Variants in CNTNAP5 observed in about 807,000 individuals in gnomAD.
CNTNAP5 encodes the protein contactin associated protein family member 5, also known as contactin-associated protein-like 5.
In CNTNAP5, 72 loss-of-function variants were observed where a neutral mutation model predicts 150.2. The observed-to-expected ratio is 0.48, with a 90% confidence interval of 0.40 to 0.58. The LOEUF is 0.58. CNTNAP5 is among the 20% of genes least tolerant of loss of function. The pLI is 0.00. For synonymous variants in CNTNAP5, 672 were observed against 619.8 expected (o/e 1.08, Z -1.25); for missense variants, 1,636 against 1,626.2 (o/e 1.01, Z -0.10).
chr2:124,547,295 G>A (rs1192078034), intron 10 of CNTNAP5, among the ~76,000 whole-genome samples: 2 of 152,018 alleles, frequency 1.3e-5, no homozygotes, highest in African/African-American at 4.8e-5. Context: ...ACAAAATGAG[G>A]AGTGACCTGA....
At chr2:124,074,473 C>A (rs765175839) in intron 1 of CNTNAP5, among the ~76,000 whole-genome samples, 40 of 152,018 alleles carry the variant, frequency 2.6e-4, no homozygotes, top group Non-Finnish European at 4.9e-4. Flanking sequence ...TATACACGTA[C>A]TATGTATCCA....
chr2:124,215,964 G>T (rs530821944), intron 1 of CNTNAP5, among the ~76,000 whole-genome samples: 12 of 152,184 alleles, frequency 7.9e-5, no homozygotes, highest in African/African-American at 2.9e-4. Flanking sequence ...GCTTCCAGCT[G>T]GTCAAATAAT....
chr2:124,142,641 T>G (rs1225406024), intron 1 of CNTNAP5, among the ~76,000 whole-genome samples: 2 of 129,114 alleles, frequency 1.5e-5, no homozygotes, highest in Non-Finnish European at 3.3e-5. Flanking sequence ...TTCAAAGCAG[T>G]GTGTAGAGGG....
intron 1 of CNTNAP5, among the ~76,000 whole-genome samples, chr2:124,116,546 C>G (rs1278556954): frequency 1.3e-5 from 2 of 152,228 alleles, no homozygotes; most frequent in Non-Finnish European, 2.9e-5. Flanking sequence ...TGACTCAACA[C>G]AGACTCCCCA....
chr2:124,422,779 T>C (rs1692140077), intron 4 of CNTNAP5, among the ~76,000 whole-genome samples: 2 of 152,184 alleles, frequency 1.3e-5, no homozygotes, highest in African/African-American at 4.8e-5. Flanking sequence ...TTGCCTGTGT[T>C]CTCAGACCTA....
chr2:124,369,904 C>T (rs1359282428), intron 3 of CNTNAP5, among the ~76,000 whole-genome samples: 3 of 152,080 alleles, frequency 2.0e-5, no homozygotes, highest in African/African-American at 7.2e-5. Flanking sequence ...CACTAGTACC[C>T]TGCTGTGTGG....
chr2:124,225,596 C>T (rs969027005), intron 2 of CNTNAP5, among the ~76,000 whole-genome samples: 5 of 152,122 alleles, frequency 3.3e-5, no homozygotes, highest in Non-Finnish European at 5.9e-5. Context: ...CTAACACATC[C>T]ATCACCTCAT....
chr2:124,567,173 G>T (rs1484229255), intron 11 of CNTNAP5, among the ~76,000 whole-genome samples: 1 of 152,010 alleles, frequency 6.6e-6, no homozygotes, highest in Non-Finnish European at 1.5e-5. Flanking sequence ...AACTTTTTTT[G>T]TCCAGCCTTT....
intron 4 of CNTNAP5, among the ~76,000 whole-genome samples, chr2:124,423,764 A>C (rs1039290287): frequency 8.0e-5 from 10 of 125,064 alleles, no homozygotes; most frequent in Middle Eastern, 5.2e-3. Context: ...TCCCAGGTTC[A>C]CGCCATTCTC....
intron 3 of CNTNAP5, among the ~76,000 whole-genome samples, chr2:124,271,834 C>A (rs1687768993): frequency 1.3e-5 from 2 of 152,068 alleles, no homozygotes; most frequent in Admixed American, 1.3e-4. Context: ...CCTGCCTCAG[C>A]CTCTTGAGTA....
At chr2:124,355,519 TCAG>T (rs572047534) in intron 3 of CNTNAP5, among the ~76,000 whole-genome samples, 126 of 152,280 alleles carry the variant, frequency 8.3e-4, no homozygotes, top group Non-Finnish European at 1.4e-3. Context: ...CTTTTCCATG[TCAG>T]CCCTGTATGC....
At chr2:124,470,708 A>G (rs996871847) in intron 6 of CNTNAP5, among the ~76,000 whole-genome samples, 4 of 152,184 alleles carry the variant, frequency 2.6e-5, no homozygotes, top group African/African-American at 9.6e-5. Flanking sequence ...TGGGTTTTAC[A>G]TTTAAGTCTT....
chr2:124,132,448 A>G (rs1002223210), intron 1 of CNTNAP5, among the ~76,000 whole-genome samples: 4 of 152,170 alleles, frequency 2.6e-5, no homozygotes, highest in African/African-American at 9.7e-5. Context: ...GGTGGTTTCC[A>G]TTAATCTGGT....
intron 12 of CNTNAP5, among the ~76,000 whole-genome samples, chr2:124,622,832 G>T (rs1466917103): frequency 1.3e-5 from 2 of 151,986 alleles, no homozygotes; most frequent in African/African-American, 4.8e-5. Context: ...TCACAAGTTG[G>T]GTAATCATCA....
intron 3 of CNTNAP5, among the ~76,000 whole-genome samples, chr2:124,379,812 G>C (rs542639076): frequency 6.6e-6 from 1 of 152,164 alleles, no homozygotes; most frequent in Admixed American, 6.5e-5. Context: ...AAATTGTTGC[G>C]CAGAGGTGTA....
chr2:124,568,841 C>T (rs1158667866), intron 11 of CNTNAP5, among the ~76,000 whole-genome samples: 1 of 152,042 alleles, frequency 6.6e-6, no homozygotes, highest in Admixed American at 6.6e-5. Context: ...GTCAGGAGAT[C>T]GAGACTATCC....
At chr2:124,585,183 A>G (rs1696501142) in intron 11 of CNTNAP5, among the ~76,000 whole-genome samples, 2 of 152,154 alleles carry the variant, frequency 1.3e-5, no homozygotes, top group African/African-American at 4.8e-5. Context: ...ACAGGGGCTC[A>G]ATCAGCTTCT....
intron 19 of CNTNAP5, 97 bp from the exon 20 acceptor site, chr2:124,865,209 C>T: frequency 1.0e-6 from 1 of 953,908 alleles, no homozygotes; most frequent in Non-Finnish European, 1.5e-6. Flanking sequence ...GGATTAAGAC[C>T]TGGGGCCCTA....
chr2:124,461,325 C>T (rs950770629), intron 6 of CNTNAP5, among the ~76,000 whole-genome samples: 2 of 151,932 alleles, frequency 1.3e-5, no homozygotes, highest in Middle Eastern at 3.2e-3. Context: ...GGCACATATA[C>T]ACCATGGAAT....
Sources: allele counts gnomAD v4.1 joint callset (sites outside exome capture counted in the v4.1 genomes callset), GRCh38; gene constraint gnomAD v4.1.1; transcripts MANE v1.5; gene names NCBI Gene and HGNC (gene_info 2026-07-23, HGNC 2026-07-21).